BEAN1: variants seen among roughly 807,000 people sequenced by gnomAD.
BEAN1 encodes brain expressed associated with NEDD4 1.
A neutral mutation model predicts 17.7 loss-of-function variants in BEAN1; 17 were observed. The observed-to-expected ratio is 0.96, with a 90% confidence interval of 0.66 to 1.44. BEAN1 has a LOEUF of 1.44. Ranked by LOEUF, BEAN1 falls within the 40% of genes most tolerant of loss-of-function variation. The pLI is 0.00. For missense variants in BEAN1, 359 were observed against 374.1 expected (o/e 0.96, Z 0.33); for synonymous variants, 142 against 151.8 (o/e 0.94, Z 0.47).
chr16:66,476,829 G>GT (rs1336096888), intron 3 of BEAN1, among the ~76,000 whole-genome samples: 1 of 152,172 alleles, frequency 6.6e-6, no homozygotes, highest in African/African-American at 2.4e-5. Flanking sequence ...AGTTAAATGT[G>GT]TTTTTTAGCT....
intron 2 of BEAN1, among the ~76,000 whole-genome samples, chr16:66,465,390 G>A (rs1409836211): frequency 6.6e-6 from 1 of 152,100 alleles, no homozygotes; most frequent in East Asian, 1.9e-4. Flanking sequence ...TGGTATCAGG[G>A]TAATGCTGGC....
At chr16:66,491,986 C>T (rs1964181305) in intron 4 of BEAN1, among the ~76,000 whole-genome samples, 1 of 152,082 alleles carries the variant, frequency 6.6e-6, no homozygotes, top group Non-Finnish European at 1.5e-5. Flanking sequence ...TAATAAACAA[C>T]GGGAGGAGTT....
chr16:66,428,422 G>C (rs535250960), intron 1 of BEAN1: 12 of 152,396 alleles, frequency 7.9e-5, no homozygotes, highest in Admixed American at 2.0e-4. Context: ...TGCCGCTCTG[G>C]ACTCACTCCT....
At chr16:66,469,571 C>G in intron 2 of BEAN1, 31 bp from the exon 3 acceptor site, 1 of 1,523,984 alleles carries the variant, frequency 6.6e-7, no homozygotes, top group Non-Finnish European at 8.8e-7. Flanking sequence ...GGCCTGGGCT[C>G]CAGCTCAGTG....
chr16:66,478,326 G>A (rs979490209), intron 4 of BEAN1, among the ~76,000 whole-genome samples: 1 of 152,192 alleles, frequency 6.6e-6, no homozygotes, highest in Admixed American at 6.5e-5. Flanking sequence ...TGCCCCAGCC[G>A]GGCGTGGGGG....
chr16:66,466,530 C>A (rs1446240369), intron 2 of BEAN1, among the ~76,000 whole-genome samples: 1 of 152,164 alleles, frequency 6.6e-6, no homozygotes, highest in Non-Finnish European at 1.5e-5. Flanking sequence ...TCCCTCTAAA[C>A]ACTGCATTAG....
intron 3 of BEAN1, among the ~76,000 whole-genome samples, chr16:66,474,721 GAAA>G (rs1236080731): frequency 6.7e-6 from 1 of 150,148 alleles, no homozygotes; most frequent in Non-Finnish European, 1.5e-5. Flanking sequence ...AGGAGAGAAA[GAAA>G]AAGGAAAAAG....
intron 4 of BEAN1, chr16:66,492,865 C>A (rs1447955729): frequency 4.9e-6 from 3 of 615,640 alleles, no homozygotes; most frequent in Non-Finnish European, 8.7e-6. Context: ...CCCCTGGTGT[C>A]CCTCGGCACC....
chr16:66,466,844 C>T (rs977218609), intron 2 of BEAN1, among the ~76,000 whole-genome samples: 2 of 152,234 alleles, frequency 1.3e-5, no homozygotes, highest in African/African-American at 2.4e-5. Context: ...GCTGGCATTA[C>T]AGGCATGAGC....
At chr16:66,450,183 G>A (rs1452999369) in intron 2 of BEAN1, among the ~76,000 whole-genome samples, 1 of 150,348 alleles carries the variant, frequency 6.7e-6, no homozygotes, top group Non-Finnish European at 1.5e-5. Flanking sequence ...TTTTCACTGT[G>A]CAAGAATGAA....
chr16:66,477,806 T>C, intron 4 of BEAN1, 96 bp downstream of exon 4: 1 of 1,332,314 alleles, frequency 7.5e-7, no homozygotes, highest in Non-Finnish European at 9.9e-7. Flanking sequence ...CACCTCTGCA[T>C]GTCGTATAAA....
chr16:66,443,865 G>A (rs1043288822), intron 2 of BEAN1, among the ~76,000 whole-genome samples: 1 of 152,020 alleles, frequency 6.6e-6, no homozygotes, highest in African/African-American at 2.4e-5. Context: ...TAGTAGAGAT[G>A]GGGTTTCACC....
At chr16:66,492,974 A>G in exon 5 of BEAN1, 1 of 702,880 alleles carries the variant, frequency 1.4e-6, no homozygotes, top group Admixed American at 2.0e-5. Flanking sequence ...GTACACTGGG[A>G]GCTTTACCTA....
chr16:66,493,288 C>CG lies in BEAN1; in HGVS notation c.479dup (p.Pro161ThrfsTer33). 7.1e-6 allele frequency: 5 copies of CG among 702,286 alleles called. No individual in the cohort carries two copies. The highest frequency in any genetic ancestry group is 1.3e-5 in the Non-Finnish European group (5 of 384,524). The allele number at this position is 702,286 out of a possible 1,614,324, so 43.5% of individuals were successfully genotyped here. A position where few individuals can be genotyped will look rare whatever the true frequency, so the allele number is the denominator to read the frequency against. ...AGGGGGTTCAGCCAGGCCCAGGTTC[C>CG]GGGGGACCACAGCAAGGTCCCTCAG... is the stretch of plus-strand genomic sequence containing the variant. On this transcript the variant is annotated frameshift_variant, in exon 5 of 5. Transcript: ENST00000561796. LOFTEE classifies it low-confidence loss of function (END_TRUNC).
intron 3 of BEAN1, among the ~76,000 whole-genome samples, chr16:66,477,025 C>T (rs189507874): frequency 1.9e-4 from 29 of 152,238 alleles, no homozygotes; most frequent in Non-Finnish European, 3.5e-4. Context: ...TACTCTCCAC[C>T]GCATTTTCCA....
In BEAN1 at chr16:66,427,874, GGA is replaced by G. The variant is rs1450429442; in HGVS notation, c.-83+447_-83+448del. 3 of 152,284 alleles carry G rather than the reference GGA, an allele frequency of 2.0e-5. No individual in the cohort carries two copies. Among genetic ancestry groups the G allele is most frequent in the Non-Finnish European group, 4.4e-5 (3 of 68,132 alleles). 9.4% of individuals were successfully genotyped at this position (152,284 alleles called of 1,614,324 possible). On this transcript the variant is annotated intron_variant, in intron 1 of 4. Coordinates refer to ENST00000536005, the MANE Select transcript of BEAN1 (RefSeq NM_001178020.3). This position sits in a 1 kb window ranked among gnomAD's most constrained non-coding sequence, Gnocchi z 4.7. ...CTAGGGCGCACTCTCGGTCGGGGTG[GGA>G]GAGGAAAGGGGCTGGGGCTTCACGG...
chr16:66,482,911 C>T, downstream of BEAN1: 1 of 456,092 alleles, frequency 2.2e-6, no homozygotes, highest in African/African-American at 2.0e-5. Flanking sequence ...CGCTGGAGTG[C>T]AATGGTATGA....
chr16:66,460,120 G>A (rs546839259), intron 2 of BEAN1, among the ~76,000 whole-genome samples: 125 of 152,362 alleles, frequency 8.2e-4, no homozygotes, highest in African/African-American at 3.0e-3. Flanking sequence ...CAGATGGGGT[G>A]ACAAGAGAGA....
Position 66,437,937 on chromosome 16 carries a change from C to T in BEAN1, c.25+236C>T, listed in dbSNP as rs185681980. On this transcript the variant is annotated intron_variant, in intron 2 of 4. Coordinates refer to ENST00000536005, the MANE Select transcript of BEAN1 (RefSeq NM_001178020.3). ...CCCATTCTTCTGTATCAGCCCTTCC[C>T]GAAGTGTGGATCGGAGTTCCTCTGA... 1,490 of 618,524 alleles carry T rather than the reference C, an allele frequency of 2.4e-3. 5 individuals are homozygous for T. Among genetic ancestry groups the T allele is most frequent in the Non-Finnish European group, 3.5e-3 (1,208 of 342,264 alleles). The allele number at this position is 618,524 out of a possible 1,614,324, so 38.3% of individuals were successfully genotyped here.
Sources: gnomAD v4.1 joint callset for allele counts (sites outside exome capture counted in the v4.1 genomes callset) on GRCh38, gnomAD v4.1.1 for gene constraint, Gnocchi (gnomAD v3.1) non-coding constraint, MANE v1.5 for transcripts, NCBI Gene and HGNC (gene_info 2026-07-23, HGNC 2026-07-21) for gene names.